VDAC1: variants seen among roughly 807,000 people sequenced by gnomAD.
VDAC1 encodes the protein voltage dependent anion channel 1.
VDAC1 carries 10 observed loss-of-function variants against 34.7 expected under a neutral mutation model. The ratio of observed to expected loss-of-function variants is 0.29; its 90% CI spans 0.18 to 0.49. The LOEUF is 0.49. Ranked by LOEUF, VDAC1 falls within the 20% of genes least tolerant of loss-of-function variation. VDAC1 has a pLI of 0.99. For synonymous variants in VDAC1, 130 were observed against 136.0 expected, an observed-to-expected ratio of 0.96 and a Z score of 0.30; for missense variants, 230 against 347.9, an observed-to-expected ratio of 0.66 and a Z score of 2.69.
At chr5:134,036,676 G>A in the VDAC1 span, among the ~76,000 whole-genome samples, 16 of 150,050 alleles carry the variant, frequency 1.1e-4, no homozygotes, top group Admixed American at 6.6e-4. Flanking sequence ...AAAAAAGGCC[G>A]GGTGTGGTGG....
chr5:133,976,660 A>AC (rs1477991334), intron 6 of VDAC1, among the ~76,000 whole-genome samples: 18 of 151,880 alleles, frequency 1.2e-4, no homozygotes, highest in African/African-American at 3.1e-4. Context: ...AAAAAAAAAA[A>AC]AAGAAGCAGC....
rs1752327186 is a variant in VDAC1 at position 133,972,350 on chromosome 5, C to G, written c.*421G>C. On this transcript the variant is annotated 3_prime_UTR_variant, in exon 9 of 9. Coordinates refer to ENST00000265333, the MANE Select transcript of VDAC1 (RefSeq NM_003374.3). The stretch of plus-strand genomic sequence containing the variant: ...TCATGAAGATCTGTCTAAAAAAGTC[C>G]CATTCAGGTGAGTTTGTACACACCA... 1 of 351,224 alleles carries G rather than the reference C, an allele frequency of 2.8e-6. No homozygotes were observed. The highest frequency in any genetic ancestry group is 5.1e-6 in the Non-Finnish European group (1 of 196,718). 21.8% of individuals were successfully genotyped at this position (351,224 alleles called of 1,614,324 possible).
At chr5:134,073,231 T>G in the VDAC1 span, among the ~76,000 whole-genome samples, 1 of 152,154 alleles carries the variant, frequency 6.6e-6, no homozygotes, top group Non-Finnish European at 1.5e-5. Context: ...CCTTGAATAT[T>G]GTCTTCCTAG....
chr5:133,993,684 T>C (rs1268715325), intron 1 of VDAC1, among the ~76,000 whole-genome samples: 1 of 152,176 alleles, frequency 6.6e-6, no homozygotes, highest in East Asian at 1.9e-4. Context: ...ATTAAACAAA[T>C]ATTTATTGAG....
chr5:134,034,927 T>C, the VDAC1 span, among the ~76,000 whole-genome samples: 336 of 151,916 alleles, frequency 2.2e-3, 2 homozygotes, highest in African/African-American at 7.7e-3. Context: ...AAATTCATGG[T>C]TTTTATGGTA....
chr5:133,989,912 T>C (rs1221310583), intron 5 of VDAC1, among the ~76,000 whole-genome samples: 1 of 152,258 alleles, frequency 6.6e-6, no homozygotes, highest in South Asian at 2.1e-4. Flanking sequence ...TTTGCCTGCC[T>C]CAGCCTCCCA....
chr5:134,010,121 G>A, the VDAC1 span, among the ~76,000 whole-genome samples: 10 of 152,132 alleles, frequency 6.6e-5, no homozygotes, highest in African/African-American at 2.4e-4. Flanking sequence ...GGCTATATGC[G>A]ATCAGAATCA....
chr5:133,996,966 C>T (rs1312472550), intron 1 of VDAC1, among the ~76,000 whole-genome samples: 1 of 152,102 alleles, frequency 6.6e-6, no homozygotes, highest in East Asian at 1.9e-4. Context: ...GACCAAGTGC[C>T]ATCAGAAGCA....
the VDAC1 span, among the ~76,000 whole-genome samples, chr5:134,073,457 T>C: frequency 6.6e-6 from 1 of 152,180 alleles, no homozygotes; most frequent in African/African-American, 2.4e-5. Flanking sequence ...CCCAACAAAG[T>C]TTGAGCATCA....
intron 5 of VDAC1, among the ~76,000 whole-genome samples, chr5:133,985,339 G>GT (rs1752866365): frequency 6.6e-6 from 1 of 152,180 alleles, no homozygotes; most frequent in East Asian, 1.9e-4. Flanking sequence ...AAGGAAAGGA[G>GT]TAACAACCAA....
the VDAC1 span, among the ~76,000 whole-genome samples, chr5:134,114,055 G>A: frequency 3.9e-5 from 6 of 152,216 alleles, no homozygotes; most frequent in Non-Finnish European, 8.8e-5. Context: ...GCCTGACTGA[G>A]GGGCCCGTCA....
At chr5:134,101,013 C>A in the VDAC1 span, among the ~76,000 whole-genome samples, 2 of 152,270 alleles carry the variant, frequency 1.3e-5, no homozygotes, top group African/African-American at 4.8e-5. Context: ...GCTACCCATA[C>A]ACATGCAGCA....
intron 1 of VDAC1, among the ~76,000 whole-genome samples, chr5:133,998,716 C>T (rs1481903410): frequency 1.3e-5 from 2 of 152,190 alleles, no homozygotes; most frequent in East Asian, 1.9e-4. Context: ...CAAGGTCCGT[C>T]GGGGCACATT....
At chr5:134,085,652 CAA>C in the VDAC1 span, among the ~76,000 whole-genome samples, 1 of 131,552 alleles carries the variant, frequency 7.6e-6, no homozygotes, top group Non-Finnish European at 1.5e-5. Flanking sequence ...CTCCGGAAGG[CAA>C]AGGTGGGAGG....
At chr5:134,055,602 T>TTTGTTTTTG in the VDAC1 span, among the ~76,000 whole-genome samples, 1 of 139,934 alleles carries the variant, frequency 7.1e-6, no homozygotes, top group African/African-American at 2.7e-5. Flanking sequence ...TTTTTTTTTT[T>TTTGTTTTTG]TTTTTTTTTT....
At chr5:134,088,429 A>G in the VDAC1 span, among the ~76,000 whole-genome samples, 1 of 152,184 alleles carries the variant, frequency 6.6e-6, no homozygotes, top group Non-Finnish European at 1.5e-5. Flanking sequence ...CCTAGGCCTG[A>G]GCCAGGCTGG....
the VDAC1 span, among the ~76,000 whole-genome samples, chr5:134,020,737 C>T: frequency 7.2e-5 from 11 of 151,960 alleles, no homozygotes; most frequent in Admixed American, 1.3e-4. Flanking sequence ...AGTGCAGTGG[C>T]GCGATCTCGG....
chr5:134,000,896 C>T (rs902274152), intron 1 of VDAC1, among the ~76,000 whole-genome samples: 1 of 152,156 alleles, frequency 6.6e-6, no homozygotes, highest in Non-Finnish European at 1.5e-5. Flanking sequence ...GTCCAGAGTC[C>T]TTCATGTCCA....
chr5:133,991,319 T>C (rs370647243), intron 3 of VDAC1, among the ~76,000 whole-genome samples, 165 bp from the exon 4 acceptor site: 9 of 152,056 alleles, frequency 5.9e-5, no homozygotes, highest in South Asian at 2.1e-4. Context: ...CAGATGGGAG[T>C]AAAGGAGCCT....
Sources: allele counts gnomAD v4.1 joint callset (sites outside exome capture counted in the v4.1 genomes callset), GRCh38; gene constraint gnomAD v4.1.1; transcripts MANE v1.5; gene names NCBI Gene and HGNC (gene_info 2026-07-23, HGNC 2026-07-21).